Variants in TMEM178B observed in about 807,000 individuals in gnomAD.
TMEM178B encodes transmembrane protein 178B.
Under a neutral mutation model 31.0 loss-of-function variants are expected in TMEM178B, and 5 were observed. That is an observed-to-expected ratio of 0.16 (90% CI 0.08 to 0.34). The LOEUF (loss-of-function observed/expected upper bound fraction) is 0.34, where lower values mean the gene tolerates loss of function less well. Ranked by LOEUF, TMEM178B falls within the 10% of genes least tolerant of loss-of-function variation. The pLI, the probability that TMEM178B is intolerant of heterozygous loss-of-function variation, is 1.00. For synonymous variants in TMEM178B, 164 were observed against 164.0 expected (o/e 1.00, Z 0.00); for missense variants, 275 against 400.3 (o/e 0.69, Z 2.67).
chr7:141,310,051 A>G (rs1383502927), intron 2 of TMEM178B, among the ~76,000 whole-genome samples: 1 of 152,238 alleles, frequency 6.6e-6, no homozygotes, highest in Non-Finnish European at 1.5e-5. Flanking sequence ...AAAAAACGTC[A>G]AAAGCAATTG....
rs956479673 is a variant in TMEM178B, at chr7:141,341,546, C to T, written c.497-96062C>T. Reference sequence around the variant, plus strand: ...AAAGGAAGTGTGCTGATTTCAGCTCCCCCTGAGGAAGATCCTTCTAAACCA... The same window carrying T: ...AAAGGAAGTGTGCTGATTTCAGCTCTCCCTGAGGAAGATCCTTCTAAACCA... On this transcript the variant is annotated intron_variant, in intron 2 of 3. Transcript: ENST00000565468. Among the ~76,000 whole-genome samples the T allele has an allele frequency of 5.3e-5, 8 of 152,286 alleles. No individual in the cohort carries two copies. The East Asian group carries it at 1.5e-3, about 29-fold the overall frequency.
chr7:141,345,951 T>A (rs538631570), intron 2 of TMEM178B, among the ~76,000 whole-genome samples: 13 of 152,282 alleles, frequency 8.5e-5, no homozygotes, highest in Admixed American at 2.6e-4. Context: ...ATGATTCAGA[T>A]CTTATCTATG....
At chr7:141,336,251 G>A (rs906327391) in intron 2 of TMEM178B, among the ~76,000 whole-genome samples, 2 of 152,058 alleles carry the variant, frequency 1.3e-5, no homozygotes, top group African/African-American at 2.4e-5. Flanking sequence ...TCCTGCCCAC[G>A]TGTAAACTGC....
intron 1 of TMEM178B, among the ~76,000 whole-genome samples, chr7:141,124,844 C>G (rs1418931730): frequency 6.6e-6 from 1 of 152,160 alleles, no homozygotes; most frequent in Non-Finnish European, 1.5e-5. Flanking sequence ...AAAGATTACA[C>G]GGCGGTTTTC....
intron 1 of TMEM178B, among the ~76,000 whole-genome samples, chr7:141,134,230 G>A (rs909259640): frequency 2.0e-5 from 3 of 151,852 alleles, no homozygotes; most frequent in African/African-American, 7.3e-5. Flanking sequence ...GTGAGACTCT[G>A]ACTTGAAGAA....
chr7:141,329,927 C>T (rs936959905), intron 2 of TMEM178B, among the ~76,000 whole-genome samples: 5 of 152,176 alleles, frequency 3.3e-5, no homozygotes, highest in African/African-American at 7.2e-5. Context: ...GACAGGTTAA[C>T]GAACGTGGTG....
At chr7:141,199,502 C>T (rs1796841103) in intron 1 of TMEM178B, among the ~76,000 whole-genome samples, 1 of 152,284 alleles carries the variant, frequency 6.6e-6, no homozygotes, top group Non-Finnish European at 1.5e-5. Flanking sequence ...TGGTGGTCCC[C>T]CAGTGGGGAG....
At chr7:141,292,707 G>A (rs548635167) in intron 2 of TMEM178B, among the ~76,000 whole-genome samples, 6 of 140,076 alleles carry the variant, frequency 4.3e-5, no homozygotes, top group Non-Finnish European at 6.0e-5. Flanking sequence ...GTGCGACCTC[G>A]GCTCACTGCA....
intron 2 of TMEM178B, among the ~76,000 whole-genome samples, chr7:141,262,644 A>G (rs1376217054): frequency 6.6e-6 from 1 of 152,080 alleles, no homozygotes; most frequent in African/African-American, 2.4e-5. Context: ...CTTCTCACAT[A>G]CATTAGCATA....
intron 2 of TMEM178B, among the ~76,000 whole-genome samples, chr7:141,299,150 CTCTT>C (rs1798683369): frequency 6.6e-6 from 1 of 152,020 alleles, no homozygotes; most frequent in Non-Finnish European, 1.5e-5. Flanking sequence ...TATCCTCTGC[CTCTT>C]TCTTCTTAGA....
intron 3 of TMEM178B, among the ~76,000 whole-genome samples, chr7:141,447,592 T>G (rs901699928): frequency 2.0e-5 from 3 of 152,124 alleles, no homozygotes; most frequent in South Asian, 2.1e-4. Context: ...GCCCTGGGCT[T>G]CTTTCCTGGG....
At chr7:141,431,125 T>A (rs1801419786) in intron 2 of TMEM178B, 1 of 151,332 alleles carries the variant, frequency 6.6e-6, no homozygotes, top group Non-Finnish European at 1.5e-5. Context: ...CCCCAGTAAT[T>A]ACCATCGCAA....
intron 1 of TMEM178B, among the ~76,000 whole-genome samples, chr7:141,153,353 A>G (rs1325498146): frequency 6.6e-6 from 1 of 152,172 alleles, no homozygotes; most frequent in Non-Finnish European, 1.5e-5. Flanking sequence ...TCCATAATTT[A>G]CTTTTAAAAA....
rs1799944084 is a variant in TMEM178B, at chr7:141,363,094, A to G, written c.497-74514A>G. ...GCAAGGCGGAAAATTTAAAGGAGAC[A>G]AAAATCATCGGAAAAGTCCCAAGGG... On this transcript the variant is annotated intron_variant, in intron 2 of 3. Transcript: ENST00000565468. 2.6e-5 allele frequency among the ~76,000 whole-genome samples: 4 copies of G among 152,218 alleles called. No homozygotes were observed. In the South Asian group the frequency reaches 8.3e-4, roughly 32 times the overall value.
intron 1 of TMEM178B, among the ~76,000 whole-genome samples, chr7:141,077,140 A>G (rs962194570): frequency 1.3e-5 from 2 of 152,250 alleles, no homozygotes; most frequent in African/African-American, 4.8e-5. Flanking sequence ...GGCAGATTTT[A>G]TAAGGAAGTT....
intron 2 of TMEM178B, among the ~76,000 whole-genome samples, chr7:141,432,144 A>ATTTTTTTTTTTT (rs1801442390): frequency 1.2e-5 from 1 of 86,362 alleles, no homozygotes; most frequent in African/African-American, 4.3e-5. Context: ...CCTTCACTGC[A>ATTTTTTTTTTTT]TCTTTTTTTT....
At chr7:141,485,678 A>G in the TMEM178B span, among the ~76,000 whole-genome samples, 1 of 152,214 alleles carries the variant, frequency 6.6e-6, no homozygotes, top group Non-Finnish European at 1.5e-5. Context: ...TTTCTGTGGA[A>G]TAGCACTTTG....
intron 1 of TMEM178B, among the ~76,000 whole-genome samples, chr7:141,086,997 G>C (rs1232325408): frequency 6.6e-6 from 1 of 151,682 alleles, no homozygotes; most frequent in Non-Finnish European, 1.5e-5. Context: ...CTGATATTTT[G>C]TTTTTTAAAA....
chr7:141,452,566 T>C (rs1437292546), intron 3 of TMEM178B, among the ~76,000 whole-genome samples: 2 of 152,214 alleles, frequency 1.3e-5, no homozygotes, highest in African/African-American at 4.8e-5. Flanking sequence ...GAGTGCCATC[T>C]GGGCCCTTAG....
Sources: allele counts gnomAD v4.1 joint callset (sites outside exome capture counted in the v4.1 genomes callset), GRCh38; gene constraint gnomAD v4.1.1; transcripts MANE v1.5; gene names NCBI Gene and HGNC (gene_info 2026-07-23, HGNC 2026-07-21).